The following PCDH15 variants were observed in gnomAD, a reference collection of about 807,000 sequenced individuals.
PCDH15 encodes the protein protocadherin related 15, also known as protocadherin-15.
Under a neutral mutation model 178.5 loss-of-function variants are expected in PCDH15, and 129 were observed. The observed-to-expected ratio is 0.72, with a 90% CI of 0.63 to 0.84. PCDH15 has a LOEUF of 0.84. Among genes scored for constraint, PCDH15 ranks in the 40% least tolerant of loss-of-function variants. PCDH15 has a pLI of 0.00. For synonymous variants in PCDH15, 800 were observed against 732.0 expected, an observed-to-expected ratio of 1.09 and a Z score of -1.50; for missense variants, 2,230 against 2,099.9, an observed-to-expected ratio of 1.06 and a Z score of -1.21.
intron 37 of PCDH15, chr10:53,808,836 T>C (rs780079164): frequency 6.2e-7 from 1 of 1,610,550 alleles, no homozygotes; most frequent in East Asian, 2.2e-5. Context: ...TACCTGATTC[T>C]GATTCCTCCT....
chr10:54,960,666 G>A (rs752241712), intron 2 of PCDH15, among the ~76,000 whole-genome samples: 4 of 152,076 alleles, frequency 2.6e-5, no homozygotes, highest in African/African-American at 9.7e-5. Flanking sequence ...TATTAAGAAG[G>A]TCAAAAGCTT....
At chr10:55,511,947 T>C (rs1038445939) in intron 2 of PCDH15, among the ~76,000 whole-genome samples, 10 of 152,004 alleles carry the variant, frequency 6.6e-5, no homozygotes, top group African/African-American at 2.4e-4. Context: ...CTTAAGGAGA[T>C]TTGGAGAGAG....
At chr10:54,039,652 G>C (rs10825204) in intron 18 of PCDH15, among the ~76,000 whole-genome samples, 90,758 of 151,750 alleles carry the variant, frequency 0.6, 29,850 homozygotes, top group Middle Eastern at 0.76. Context: ...TTGAAACATT[G>C]AAATATTCAT....
intron 1 of PCDH15, among the ~76,000 whole-genome samples, chr10:54,789,743 A>G (rs2133537218): frequency 6.6e-6 from 1 of 152,048 alleles, no homozygotes; most frequent in Non-Finnish European, 1.5e-5. Flanking sequence ...GATTGACCAA[A>G]GTGCTTATTT....
intron 1 of PCDH15, among the ~76,000 whole-genome samples, chr10:54,714,858 T>C (rs906515934): frequency 3.9e-5 from 6 of 152,160 alleles, no homozygotes; most frequent in Non-Finnish European, 8.8e-5. Flanking sequence ...ATAATTTTTA[T>C]AACTTCTATC....
At chr10:54,763,290 G>A (rs1375651645) in intron 1 of PCDH15, among the ~76,000 whole-genome samples, 2 of 152,114 alleles carry the variant, frequency 1.3e-5, no homozygotes, top group Non-Finnish European at 2.9e-5. Context: ...ATATATGTGT[G>A]CAAAGCCAGA....
chr10:54,768,692 T>TG (rs1266307380), intron 1 of PCDH15, among the ~76,000 whole-genome samples: 1 of 152,160 alleles, frequency 6.6e-6, no homozygotes, highest in Non-Finnish European at 1.5e-5. Context: ...AGGTTCTGAA[T>TG]GGGGTAAAAT....
At chr10:54,388,246 C>A (rs900411717) in intron 3 of PCDH15, among the ~76,000 whole-genome samples, 4 of 152,178 alleles carry the variant, frequency 2.6e-5, no homozygotes, top group African/African-American at 9.7e-5. Context: ...CAAAAATGGC[C>A]AGAGGACAAT....
At chr10:54,005,228 A>C (rs540557707) in intron 20 of PCDH15, among the ~76,000 whole-genome samples, 2 of 152,250 alleles carry the variant, frequency 1.3e-5, no homozygotes, top group East Asian at 3.9e-4. Flanking sequence ...AACATGCGGA[A>C]ACTCTCCAGG....
chr10:55,332,318 G>A (rs1191714999), intron 2 of PCDH15, among the ~76,000 whole-genome samples: 1 of 151,950 alleles, frequency 6.6e-6, no homozygotes, highest in African/African-American at 2.4e-5. Context: ...TACTATTTAA[G>A]GTTTAAACCA....
intron 2 of PCDH15, among the ~76,000 whole-genome samples, chr10:54,542,255 AT>A (rs1163947037): frequency 6.6e-6 from 1 of 152,174 alleles, no homozygotes; most frequent in African/African-American, 2.4e-5. Flanking sequence ...GGATATAACT[AT>A]TTTTCACTTA....
In PCDH15 at chr10:54,329,816, T is replaced by G. The variant is rs375586075; in HGVS notation, c.595-110A>C. ...AGTTAGAGATGACATGCTTATCATC[T>G]GAAAATAGAATGACTATAAGCTTCA... On this transcript the variant is annotated intron_variant, in intron 6 of 37. Coordinates refer to ENST00000644397, the MANE Select transcript of PCDH15 (RefSeq NM_001384140.1). 8 of 772,350 alleles carry G rather than the reference T, an allele frequency of 1.0e-5. No homozygotes were observed. The African/African-American group carries it at 1.4e-4, about 13-fold the overall frequency. 47.8% of individuals were successfully genotyped at this position (772,350 alleles called of 1,614,324 possible).
chr10:54,302,287 A>G (rs1054363877), intron 8 of PCDH15, among the ~76,000 whole-genome samples: 5 of 152,292 alleles, frequency 3.3e-5, no homozygotes, highest in Non-Finnish European at 5.9e-5. Context: ...CTTAGATATT[A>G]TGTGTTGTAC....
chr10:54,490,659 G>A (rs16906201), intron 3 of PCDH15, among the ~76,000 whole-genome samples: 5,048 of 151,980 alleles, frequency 0.033, 119 homozygotes, highest in South Asian at 0.095. Flanking sequence ...CATCCCACCC[G>A]ATCCGCTGAA....
intron 3 of PCDH15, among the ~76,000 whole-genome samples, chr10:54,866,787 G>T (rs1953950965): frequency 6.6e-6 from 1 of 152,106 alleles, no homozygotes; most frequent in African/African-American, 2.4e-5. Flanking sequence ...TAGACAGTAG[G>T]TTGGTGGTAT....
At chr10:54,216,931 A>G (rs1039859485) in intron 9 of PCDH15, among the ~76,000 whole-genome samples, 3 of 152,130 alleles carry the variant, frequency 2.0e-5, no homozygotes, top group Admixed American at 6.5e-5. Context: ...ATCTTTAGCT[A>G]TTACTATGGA....
intron 1 of PCDH15, among the ~76,000 whole-genome samples, chr10:54,701,453 A>T (rs1323817212): frequency 6.6e-6 from 1 of 152,128 alleles, no homozygotes; most frequent in African/African-American, 2.4e-5. Context: ...TGCACATATC[A>T]GTATTAACCT....
In PCDH15 at chr10:55,162,214, TC is replaced by T. The variant is rs1309318252; in HGVS notation, c.-80+4361del. ...TATAAGTTCCGTTAGATGTAGAACTTCCCGTATTTGCTTATAGTTCTTAAAT... is the reference window on the plus strand; with the variant it reads ...TATAAGTTCCGTTAGATGTAGAACTTCCGTATTTGCTTATAGTTCTTAAAT... On this transcript the variant is annotated intron_variant, in intron 2 of 5. Transcript: ENST00000458638. Among the ~76,000 whole-genome samples the T allele has an allele frequency of 5.3e-5, 8 of 152,266 alleles. No homozygotes were observed. In the South Asian group the frequency reaches 6.2e-4, roughly 12 times the overall value.
intron 21 of PCDH15, among the ~76,000 whole-genome samples, chr10:53,984,146 TTC>T (rs1355860649): frequency 1.2e-4 from 8 of 65,810 alleles, no homozygotes; most frequent in African/African-American, 1.6e-4. Flanking sequence ...CTTTTTTCTT[TTC>T]TTTTTTTTTT....
Sources: gnomAD v4.1 joint callset for allele counts (sites outside exome capture counted in the v4.1 genomes callset) on GRCh38, gnomAD v4.1.1 for gene constraint, MANE v1.5 for transcripts, NCBI Gene and HGNC (gene_info 2026-07-23, HGNC 2026-07-21) for gene names.